TJP1: variants seen among roughly 807,000 people sequenced by gnomAD.
TJP1 encodes tight junction protein ZO-1.
In TJP1, 43 loss-of-function variants were observed where a neutral mutation model predicts 194.2. That is an observed-to-expected ratio of 0.22 (90% CI 0.17 to 0.29). The LOEUF (loss-of-function observed/expected upper bound fraction) is 0.29, where lower values mean the gene tolerates loss of function less well. TJP1 is among the 10% of genes least tolerant of loss of function. TJP1 has a pLI of 1.00. For missense variants in TJP1, 1,971 were observed against 2,185.7 expected (o/e 0.90, Z 1.96); for synonymous variants, 801 against 779.0 (o/e 1.03, Z -0.47).
Position 29,726,452 on chromosome 15 carries a change from T to G in TJP1, c.2339A>C (p.Asp780Ala), listed in dbSNP as rs771298262. Residue 780 changes from aspartate to alanine, a missense_variant, in exon 18 of 28, where the codon GAT becomes GCT. Asp to Ala is a moderately radical substitution (Grantham distance 126). This residue lies in a region of TJP1 where 402 missense variants were observed against 484.2 expected (regional missense o/e 0.83). Coordinates refer to ENST00000614355, the MANE Select transcript of TJP1 (RefSeq NM_001330239.4). ...TTTINLNSMN[D>A]GWYGALKEAI... is the part of the protein sequence containing the mutation. ...TTCTTTCAGCGCACCATACCAACCA[T>G]CATTCATTGAATTTAAGTTAATTGT... The G allele has an allele frequency of 6.2e-7, 1 of 1,614,132 alleles. No individual in the cohort carries two copies. Among genetic ancestry groups the G allele is most frequent in the East Asian group, 2.2e-5 (1 of 44,860 alleles).
intron 2 of TJP1, among the ~76,000 whole-genome samples, chr15:29,901,994 A>C (rs2152199732): frequency 6.6e-6 from 1 of 152,264 alleles, no homozygotes; most frequent in South Asian, 2.1e-4. Flanking sequence ...AGGACTACAA[A>C]CATTTAGAAT....
At chr15:29,732,608 T>C (rs777940032) in intron 14 of TJP1, 23 bp downstream of exon 14, 22 of 1,613,676 alleles carry the variant, frequency 1.4e-5, no homozygotes, top group Non-Finnish European at 1.7e-5. Context: ...GGGTATTAGG[T>C]TAGTCTGTAG....
At chr15:29,813,586 G>A (rs548451637) in intron 1 of TJP1, among the ~76,000 whole-genome samples, 2 of 152,138 alleles carry the variant, frequency 1.3e-5, no homozygotes, top group African/African-American at 4.8e-5. Flanking sequence ...TTCTGTATGC[G>A]CAAAGTTCAG....
intron 1 of TJP1, among the ~76,000 whole-genome samples, chr15:29,961,132 A>C (rs2056139624): frequency 6.6e-6 from 1 of 152,058 alleles, no homozygotes; most frequent in African/African-American, 2.4e-5. Flanking sequence ...GTTCCATTTG[A>C]CATGGAATAT....
intron 2 of TJP1, among the ~76,000 whole-genome samples, chr15:29,870,127 A>C (rs1401835946): frequency 7.1e-6 from 1 of 140,598 alleles, no homozygotes; most frequent in Admixed American, 7.2e-5. Flanking sequence ...GGCGTGAGCC[A>C]CTGTGCCTGT....
Position 29,801,760 on chromosome 15 carries a change from C to T in TJP1, c.28-1058G>A, listed in dbSNP as rs578094856. 6.6e-5 allele frequency among the ~76,000 whole-genome samples: 10 copies of T among 152,066 alleles called. No individual in the cohort carries two copies. The East Asian group carries it at 1.7e-3, about 27-fold the overall frequency. ...ACAGGCGTGAGCCACCGCGCCCGGCCGAAAATAAATTATTATCTAAGGCAG... is the reference window on the plus strand; with the variant it reads ...ACAGGCGTGAGCCACCGCGCCCGGCTGAAAATAAATTATTATCTAAGGCAG... On this transcript the variant is annotated intron_variant, in intron 1 of 27. Coordinates refer to ENST00000614355, the MANE Select transcript of TJP1 (RefSeq NM_001330239.4).
At chr15:29,773,929 A>C (rs1310278617) in intron 2 of TJP1, among the ~76,000 whole-genome samples, 1 of 152,212 alleles carries the variant, frequency 6.6e-6, no homozygotes, top group Non-Finnish European at 1.5e-5. Context: ...TTTTTAAAAA[A>C]CTAAATTATA....
chr15:29,818,662 G>A (rs2050104146), intron 1 of TJP1, among the ~76,000 whole-genome samples: 2 of 136,212 alleles, frequency 1.5e-5, no homozygotes, highest in South Asian at 2.6e-4. Flanking sequence ...TCGCCACCAG[G>A]CCCGGCTATT....
chr15:29,731,631 AG>A lies in TJP1; in HGVS notation c.2017+801del, dbSNP rs2043667231. 2.6e-5 allele frequency among the ~76,000 whole-genome samples: 4 copies of A among 152,346 alleles called. No individual in the cohort carries two copies. In the South Asian group the frequency reaches 8.3e-4, roughly 32 times the overall value. Reference sequence around the variant, plus strand: ...CTCAACTTTCCCTGTTCAGAGCATCAGATGAAGACTTCATTGGGTTTTATAG... The same window carrying A: ...CTCAACTTTCCCTGTTCAGAGCATCAATGAAGACTTCATTGGGTTTTATAG... On this transcript the variant is annotated intron_variant, in intron 15 of 27. Coordinates refer to ENST00000614355, the MANE Select transcript of TJP1 (RefSeq NM_001330239.4).
chr15:29,727,301 G>A (rs1871678), intron 16 of TJP1, among the ~76,000 whole-genome samples: 111,848 of 152,032 alleles, frequency 0.74, 42,659 homozygotes, highest in East Asian at 0.86. Flanking sequence ...CCGAGATCAC[G>A]CCACTGCAGT....
At chr15:29,873,176 G>A (rs536279360) in intron 2 of TJP1, among the ~76,000 whole-genome samples, 86 of 152,340 alleles carry the variant, frequency 5.6e-4, no homozygotes, top group African/African-American at 2.0e-3. Context: ...TTCTGTCCCT[G>A]AAGGGCAGAG....
upstream of TJP1, among the ~76,000 whole-genome samples, chr15:29,825,323 T>A (rs2050644014): frequency 6.6e-6 from 1 of 152,204 alleles, no homozygotes; most frequent in South Asian, 2.1e-4. Context: ...TACAAGTTAA[T>A]TAAGGATTCT....
At chr15:29,746,199 A>ACC (rs1044271916) in intron 8 of TJP1, among the ~76,000 whole-genome samples, 3 of 151,960 alleles carry the variant, frequency 2.0e-5, no homozygotes, top group Non-Finnish European at 4.4e-5. Flanking sequence ...TACGGGTGAA[A>ACC]CCCTGTCTCT....
chr15:29,834,226 A>ATT (rs879783769), intron 2 of TJP1, among the ~76,000 whole-genome samples: 39 of 124,012 alleles, frequency 3.1e-4, no homozygotes, highest in African/African-American at 1.0e-3. Context: ...GTAAATAGGG[A>ATT]TTTTTTTTTT....
chr15:29,716,682 G>A lies in TJP1; in HGVS notation c.4131C>T (p.Ala1377=). ...GCTTTGCAGGCTCGGAGAGATGGCT[G>A]GCGGCAATGTGTGCAGGAGGCTTAT... ...FENKPPAHIA[A]SHLSEPAKPA... Residue 1377 remains alanine, a synonymous_variant, in exon 23 of 28, where the codon GCC becomes GCT. Transcript: ENST00000614355. The A allele has an allele frequency of 6.2e-7, 1 of 1,614,100 alleles. No homozygotes were observed. Among genetic ancestry groups the A allele is most frequent in the Non-Finnish European group, 8.5e-7 (1 of 1,179,986 alleles).
In TJP1 at chr15:29,700,458, A is replaced by T; in HGVS notation, c.*1137T>A. The stretch of plus-strand genomic sequence containing the variant: ...ACTCTGTGCATCCTTTTTCTTAAAA[A>T]AAATGACCTTGCATGTGTCATAGAA... On this transcript the variant is annotated 3_prime_UTR_variant, in exon 28 of 28. Transcript: ENST00000614355. The T allele has an allele frequency of 2.5e-6, 1 of 399,010 alleles. No homozygotes were observed. Among genetic ancestry groups the T allele is most frequent in the Non-Finnish European group, 4.4e-6 (1 of 226,044 alleles). The allele number at this position is 399,010 out of a possible 1,614,324, so 24.7% of individuals were successfully genotyped here.
chr15:29,960,281 T>C (rs1014957154), intron 1 of TJP1, among the ~76,000 whole-genome samples: 1 of 151,994 alleles, frequency 6.6e-6, no homozygotes, highest in Admixed American at 6.5e-5. Flanking sequence ...CTAAATCCAG[T>C]GACAAAGTAA....
intron 16 of TJP1, 40 bp from the exon 17 acceptor site, chr15:29,727,031 A>G (rs1335761468): frequency 3.8e-6 from 6 of 1,570,882 alleles, no homozygotes; most frequent in Non-Finnish European, 5.2e-6. Context: ...GACACAAGAC[A>G]TCATTAATTA....
chr15:29,739,448 C>T (rs2044248187), intron 10 of TJP1, among the ~76,000 whole-genome samples: 1 of 152,004 alleles, frequency 6.6e-6, no homozygotes, highest in African/African-American at 2.4e-5. Flanking sequence ...TGGAATTTTT[C>T]TTTTTTCTTT....
Sources: gnomAD v4.1 joint callset for allele counts (sites outside exome capture counted in the v4.1 genomes callset) on GRCh38, gnomAD v4.1.1 for gene constraint, gnomAD v4.1.1 regional missense constraint, MANE v1.5 for transcripts, NCBI Gene and HGNC (gene_info 2026-07-23, HGNC 2026-07-21) for gene names.